Variants in UXS1 observed in about 807,000 individuals in gnomAD.
UXS1 encodes UDP-glucuronic acid decarboxylase 1.
A neutral mutation model predicts 62.6 loss-of-function variants in UXS1; 33 were observed. The observed-to-expected ratio is 0.53, with a 90% CI of 0.40 to 0.70. The LOEUF (loss-of-function observed/expected upper bound fraction) is 0.70. UXS1 is among the 30% of genes least tolerant of loss of function. The pLI is 0.00. For synonymous variants in UXS1, 213 were observed against 206.8 expected, an observed-to-expected ratio of 1.03 and a Z score of -0.26; for missense variants, 434 against 556.3, an observed-to-expected ratio of 0.78 and a Z score of 2.21.
intron 5 of UXS1, among the ~76,000 whole-genome samples, chr2:106,149,364 T>C (rs79770569): frequency 0.018 from 2,780 of 152,278 alleles, 42 homozygotes; most frequent in East Asian, 0.063. Flanking sequence ...AAAAGCACAT[T>C]TTGGTAATTT....
rs896324917 is a variant in UXS1 at position 106,169,083 on chromosome 2, G to C, written c.95-3000C>G. ...TGTTCTTGCCTTTTTCTAGACACCT[G>C]GTGAACACCTGGGTCAGTCCTCAGC... On this transcript the variant is annotated intron_variant, in intron 1 of 14. Transcript: ENST00000283148. Among the ~76,000 whole-genome samples, 4 of 152,160 alleles carry C rather than the reference G, an allele frequency of 2.6e-5. No individual in the cohort carries two copies. The South Asian group carries it at 8.3e-4, about 32-fold the overall frequency.
At position 106,104,691 on chromosome 2, in the gene UXS1, G is replaced by C. The variant is rs921155136; in HGVS notation, c.923+103C>G. 3 of 1,406,508 alleles carry C rather than the reference G, an allele frequency of 2.1e-6. No individual in the cohort carries two copies. In the African/African-American group the frequency reaches 4.2e-5, roughly 20 times the overall value. 87.1% of individuals were successfully genotyped at this position (1,406,508 alleles called of 1,614,324 possible). A position where few individuals can be genotyped will look rare whatever the true frequency, so the allele number is the denominator to read the frequency against. ...TTAATCAATATATAGTGTTAGCGTTGTGGAAATGGTTAACATATACAAGAC... is the reference window on the plus strand; with the variant it reads ...TTAATCAATATATAGTGTTAGCGTTCTGGAAATGGTTAACATATACAAGAC... On this transcript the variant is annotated intron_variant, in intron 11 of 14. Coordinates refer to ENST00000283148, the MANE Select transcript of UXS1 (RefSeq NM_001253875.2).
At chr2:106,158,285 G>A (rs1002271232) in intron 4 of UXS1, among the ~76,000 whole-genome samples, 167 bp from the exon 5 acceptor site, 1 of 152,186 alleles carries the variant, frequency 6.6e-6, no homozygotes, top group Non-Finnish European at 1.5e-5. Flanking sequence ...GTTAACTTGA[G>A]GTCAAGAGCT....
At chr2:106,131,254 T>C (rs1298653628) in intron 6 of UXS1, among the ~76,000 whole-genome samples, 1 of 148,350 alleles carries the variant, frequency 6.7e-6, no homozygotes, top group Non-Finnish European at 1.5e-5. Flanking sequence ...GAGAGGGTCC[T>C]ACGCCCATGG....
chr2:106,122,977 A>G lies in UXS1; in HGVS notation c.752T>C (p.Met251Thr), dbSNP rs372716743. The change falls in exon 9 of 15, where the codon ATG (methionine) becomes ACG (threonine). Residue 251 changes from methionine (M) to threonine (T), a missense_variant. Met to Thr is a moderately conservative substitution (Grantham distance 81). Around this residue, in one of 3 missense-constraint regions of UXS1, gnomAD observed 209 missense variants for 233.3 expected, o/e 0.90. Transcript: ENST00000283148. ...RVAETMCYAY[M>T]KQEGVEVRVA... ...TAGACCCTGGTGAAATACCTGCTTC[A>G]TGTAGGCATAGCACATGGTCTCTGC... is the stretch of plus-strand genomic sequence containing the variant. The G allele has an allele frequency of 3.1e-6, 5 of 1,613,796 alleles. No individual in the cohort carries two copies. Among genetic ancestry groups the G allele is most frequent in the Admixed American group, 1.7e-5 (1 of 60,024 alleles).
At chr2:106,194,125 G>A (rs929203369) in intron 1 of UXS1, 23 bp downstream of exon 1, 3 of 1,459,804 alleles carry the variant, frequency 2.1e-6, no homozygotes, top group African/African-American at 3.0e-5. Context: ...GGGCTCCCCA[G>A]CTGGCAGCGG....
intron 1 of UXS1, among the ~76,000 whole-genome samples, chr2:106,176,985 C>A (rs370549660): frequency 3.3e-5 from 5 of 152,100 alleles, no homozygotes; most frequent in Non-Finnish European, 7.4e-5. Flanking sequence ...TAAAATCCTA[C>A]CAATATGCCC....
rs1468199915 is a variant in UXS1 at position 106,145,371 on chromosome 2, C to T, written c.292-1G>A. 1 of 1,612,210 alleles carries T rather than the reference C, an allele frequency of 6.2e-7. No individual in the cohort carries two copies. The highest frequency in any genetic ancestry group is 8.5e-7 in the Non-Finnish European group (1 of 1,178,950). ...CCACGAACCCTGCGCCTCCTGTTAT[C>T]TGCATCCGGACAGCGTGTGCAGAGC... On this transcript the variant is annotated splice_acceptor_variant, in intron 5 of 14. Coordinates refer to ENST00000283148, the MANE Select transcript of UXS1 (RefSeq NM_001253875.2). LOFTEE classifies it high-confidence loss of function.
At chr2:106,192,173 T>C (rs1194896367) in intron 1 of UXS1, among the ~76,000 whole-genome samples, 1 of 152,196 alleles carries the variant, frequency 6.6e-6, no homozygotes, top group Non-Finnish European at 1.5e-5. Flanking sequence ...CCAGTTAAGT[T>C]TTAGCACCCC....
At chr2:106,097,936 G>A (rs761421769) in intron 13 of UXS1, among the ~76,000 whole-genome samples, 49 of 152,234 alleles carry the variant, frequency 3.2e-4, no homozygotes, top group Non-Finnish European at 5.7e-4. Flanking sequence ...CCAGCCATCC[G>A]GGTCGATTAG....
chr2:106,122,257 A>G (rs1679584211), intron 9 of UXS1, among the ~76,000 whole-genome samples: 1 of 152,248 alleles, frequency 6.6e-6, no homozygotes, highest in Non-Finnish European at 1.5e-5. Context: ...GCCCAAGGAC[A>G]CACTCAGTGA....
chr2:106,179,203 T>A (rs564992853), intron 1 of UXS1, among the ~76,000 whole-genome samples: 1 of 152,256 alleles, frequency 6.6e-6, no homozygotes, highest in South Asian at 2.1e-4. Context: ...CTGGACAGGA[T>A]GCCCAAAGGA....
intron 1 of UXS1, among the ~76,000 whole-genome samples, chr2:106,187,631 ACT>A (rs963653169): frequency 6.6e-6 from 1 of 152,212 alleles, no homozygotes; most frequent in African/African-American, 2.4e-5. Context: ...GTTAAGTAAC[ACT>A]GACAGGAAAG....
intron 7 of UXS1, among the ~76,000 whole-genome samples, chr2:106,129,083 G>T (rs1680210578): frequency 6.6e-6 from 1 of 152,132 alleles, no homozygotes; most frequent in Non-Finnish European, 1.5e-5. Context: ...TCTAAGGCAT[G>T]TCATTTGTGA....
At chr2:106,166,440 C>A in intron 1 of UXS1, 1 of 170,636 alleles carries the variant, frequency 5.9e-6, no homozygotes. Context: ...ACTGATTGGC[C>A]ATATATTGTT....
intron 1 of UXS1, among the ~76,000 whole-genome samples, chr2:106,169,964 G>T (rs1378121644): frequency 6.6e-6 from 1 of 152,168 alleles, no homozygotes; most frequent in East Asian, 1.9e-4. Context: ...ATGGATGTAA[G>T]CAGATATGGA....
chr2:106,169,582 C>A (rs574121046), intron 1 of UXS1, among the ~76,000 whole-genome samples: 1 of 152,004 alleles, frequency 6.6e-6, no homozygotes, highest in African/African-American at 2.4e-5. Flanking sequence ...AGCTACATGG[C>A]GGGGGCAGAA....
chr2:106,094,493 G>T (rs974967672), intron 14 of UXS1, among the ~76,000 whole-genome samples: 2 of 152,238 alleles, frequency 1.3e-5, no homozygotes, highest in Non-Finnish European at 2.9e-5. Context: ...TGGCAAGATT[G>T]TTTTTCAGAT....
chr2:106,166,716 T>TTC (rs975299656), intron 1 of UXS1, among the ~76,000 whole-genome samples: 11 of 151,588 alleles, frequency 7.3e-5, no homozygotes, highest in Non-Finnish European at 1.6e-4. Flanking sequence ...TTTTTTTTTT[T>TTC]TCCAAGTGAC....
Sources: gnomAD v4.1 joint callset for allele counts (sites outside exome capture counted in the v4.1 genomes callset) on GRCh38, gnomAD v4.1.1 for gene constraint, gnomAD v4.1.1 regional missense constraint, MANE v1.5 for transcripts, NCBI Gene and HGNC (gene_info 2026-07-23, HGNC 2026-07-21) for gene names.